PCDH15: variants seen among roughly 807,000 people sequenced by gnomAD.
The protein encoded by PCDH15 is protocadherin related 15, also known as protocadherin-15.
In PCDH15, 129 loss-of-function variants were observed where a neutral mutation model predicts 178.5. That is an observed-to-expected ratio of 0.72 (90% CI 0.63 to 0.84). The LOEUF (loss-of-function observed/expected upper bound fraction) is 0.84, where lower values mean the gene tolerates loss of function less well. PCDH15 is among the 40% of genes least tolerant of loss of function. The pLI, the probability that PCDH15 is intolerant of heterozygous loss-of-function variation, is 0.00. For synonymous variants in PCDH15, 800 were observed against 732.0 expected, an observed-to-expected ratio of 1.09 and a Z score of -1.50; for missense variants, 2,230 against 2,099.9, an observed-to-expected ratio of 1.06 and a Z score of -1.21.
chr10:54,846,439 T>C lies in PCDH15; in HGVS notation c.-29+51011A>G, dbSNP rs1458721288. The stretch of plus-strand genomic sequence containing the variant: ...TTCTGTCCCAACTTGAAGCTATTCA[T>C]GTGTCTCTTTTATATTAGGGCCTGA... On this transcript the variant is annotated intron_variant, in intron 3 of 5. Coordinates refer to the PCDH15 transcript ENST00000458638. Among the ~76,000 whole-genome samples, 3 of 152,124 alleles carry C rather than the reference T, an allele frequency of 2.0e-5. No homozygotes were observed. In the East Asian group the frequency reaches 5.8e-4, roughly 29 times the overall value.
chr10:54,235,962 T>G (rs1405105366), intron 9 of PCDH15, among the ~76,000 whole-genome samples: 1 of 152,198 alleles, frequency 6.6e-6, no homozygotes, highest in Admixed American at 6.5e-5. Flanking sequence ...ACAGACAGCA[T>G]TTCTAAGAAG....
intron 2 of PCDH15, among the ~76,000 whole-genome samples, chr10:55,445,313 T>A (rs1839291391): frequency 6.6e-6 from 1 of 151,950 alleles, no homozygotes; most frequent in South Asian, 2.1e-4. Context: ...TAAATTACAG[T>A]GAATAAAAGG....
intron 2 of PCDH15, among the ~76,000 whole-genome samples, chr10:55,443,525 T>A (rs182863824): frequency 6.6e-5 from 10 of 152,086 alleles, no homozygotes; most frequent in Non-Finnish European, 1.3e-4. Flanking sequence ...AAAAACCATA[T>A]GAAATAAAAG....
chr10:54,817,550 T>C (rs1430697845), intron 3 of PCDH15, among the ~76,000 whole-genome samples: 1 of 152,056 alleles, frequency 6.6e-6, no homozygotes, highest in Non-Finnish European at 1.5e-5. Flanking sequence ...TCAACATTGC[T>C]GCCTGGATCT....
intron 2 of PCDH15, among the ~76,000 whole-genome samples, chr10:54,940,445 A>G (rs367545477): frequency 3.9e-5 from 6 of 152,204 alleles, no homozygotes; most frequent in Non-Finnish European, 7.4e-5. Flanking sequence ...TTTATGGCCT[A>G]CAATATGATC....
At chr10:53,941,017 A>T (rs1319164682) in intron 23 of PCDH15, 42 bp from the exon 24 acceptor site, 4 of 1,357,800 alleles carry the variant, frequency 2.9e-6, no homozygotes, top group African/African-American at 1.4e-5. Flanking sequence ...TTTAAATATA[A>T]TTTTTGATGT....
intron 2 of PCDH15, among the ~76,000 whole-genome samples, chr10:55,416,368 C>T (rs1338312604): frequency 1.3e-5 from 2 of 151,806 alleles, no homozygotes; most frequent in South Asian, 4.1e-4. Flanking sequence ...TGCTATCCAT[C>T]ATATTCTCAT....
intron 1 of PCDH15, among the ~76,000 whole-genome samples, chr10:55,238,515 A>G (rs1050838746): frequency 6.6e-6 from 1 of 152,168 alleles, no homozygotes; most frequent in Non-Finnish European, 1.5e-5. Flanking sequence ...AGTTAAGAAA[A>G]TAAAACAATT....
intron 15 of PCDH15, among the ~76,000 whole-genome samples, chr10:54,101,702 C>G (rs1266937003): frequency 6.6e-6 from 1 of 152,092 alleles, no homozygotes; most frequent in Non-Finnish European, 1.5e-5. Flanking sequence ...CGCAGTGGCT[C>G]ATGCCTGTTA....
chr10:54,841,846 T>C (rs1174730489), intron 3 of PCDH15, among the ~76,000 whole-genome samples: 1 of 151,866 alleles, frequency 6.6e-6, no homozygotes, highest in Non-Finnish European at 1.5e-5. Context: ...TTTAAACAGA[T>C]AGATCTGTAG....
At chr10:54,203,492 A>G (rs1321975579) in intron 10 of PCDH15, among the ~76,000 whole-genome samples, 1 of 152,194 alleles carries the variant, frequency 6.6e-6, no homozygotes, top group African/African-American at 2.4e-5. Flanking sequence ...AGCAGAGAGA[A>G]GGTAATTTGA....
intron 1 of PCDH15, among the ~76,000 whole-genome samples, chr10:54,780,544 TC>T (rs1950256567): frequency 6.6e-6 from 1 of 152,016 alleles, no homozygotes; most frequent in Non-Finnish European, 1.5e-5. Flanking sequence ...TCTTTCACAA[TC>T]AACATAATCT....
chr10:53,852,139 G>T (rs566632519), intron 28 of PCDH15, among the ~76,000 whole-genome samples: 56 of 152,016 alleles, frequency 3.7e-4, no homozygotes, highest in African/African-American at 1.3e-3. Flanking sequence ...TGAGTTTCAT[G>T]GTGAACTGGG....
intron 2 of PCDH15, among the ~76,000 whole-genome samples, chr10:55,131,906 T>C (rs1043618104): frequency 6.6e-6 from 1 of 152,154 alleles, no homozygotes; most frequent in Non-Finnish European, 1.5e-5. Context: ...CTTCAGGCTA[T>C]CCCTGGCTTG....
At chr10:54,729,682 A>G (rs11527501) in intron 1 of PCDH15, among the ~76,000 whole-genome samples, 18,466 of 151,652 alleles carry the variant, frequency 0.12, 1,249 homozygotes, top group African/African-American at 0.17. Context: ...TCCAGAACCT[A>G]TAAGGAATTC....
chr10:54,673,520 C>A (rs2094718244), intron 1 of PCDH15, among the ~76,000 whole-genome samples: 1 of 152,042 alleles, frequency 6.6e-6, no homozygotes, highest in South Asian at 2.1e-4. Context: ...CTCACTGCGA[C>A]CTCCTCCTCC....
At chr10:53,983,599 T>C (rs1477924899) in intron 21 of PCDH15, among the ~76,000 whole-genome samples, 3 of 152,174 alleles carry the variant, frequency 2.0e-5, no homozygotes, top group Non-Finnish European at 4.4e-5. Flanking sequence ...ATACTTGCTT[T>C]AGGGCTATTT....
intron 3 of PCDH15, among the ~76,000 whole-genome samples, chr10:54,454,074 A>G (rs1468600242): frequency 4.0e-5 from 6 of 150,900 alleles, no homozygotes; most frequent in Admixed American, 6.6e-5. Context: ...AGATTTATAG[A>G]TTTATAAACA....
At chr10:54,984,926 C>G (rs965684132) in intron 2 of PCDH15, among the ~76,000 whole-genome samples, 27 of 152,124 alleles carry the variant, frequency 1.8e-4, no homozygotes, top group African/African-American at 6.3e-4. Context: ...TCACATGAAA[C>G]TTTGATTAAG....
Sources: allele counts gnomAD v4.1 joint callset (sites outside exome capture counted in the v4.1 genomes callset), GRCh38; gene constraint gnomAD v4.1.1; transcripts MANE v1.5; gene names NCBI Gene and HGNC (gene_info 2026-07-23, HGNC 2026-07-21).